ZBTB7C: variants seen among roughly 807,000 people sequenced by gnomAD.
ZBTB7C encodes the protein zinc finger and BTB domain containing 7C, also known as zinc finger and BTB domain-containing protein 7C.
A neutral mutation model predicts 25.7 loss-of-function variants in ZBTB7C; 8 were observed. That is an observed-to-expected ratio of 0.31 (90% confidence interval 0.18 to 0.56). ZBTB7C has a LOEUF of 0.56. ZBTB7C is among the 20% of genes least tolerant of loss of function. The probability of loss-of-function intolerance (pLI) is 0.91; values close to 1 mark genes in which losing one functional copy is unlikely to be tolerated. For missense variants in ZBTB7C, 824 were observed against 855.2 expected (o/e 0.96, Z 0.46); for synonymous variants, 394 against 369.0 (o/e 1.07, Z -0.78).
chr18:48,201,513 G>C (rs1233163915), intron 2 of ZBTB7C, among the ~76,000 whole-genome samples: 1 of 151,998 alleles, frequency 6.6e-6, no homozygotes, highest in African/African-American at 2.4e-5. Flanking sequence ...GGAGCCCAGT[G>C]ACTCATGGCA....
At chr18:48,346,925 C>T (rs2046744826) in intron 1 of ZBTB7C, among the ~76,000 whole-genome samples, 1 of 151,898 alleles carries the variant, frequency 6.6e-6, no homozygotes, top group Admixed American at 6.6e-5. Context: ...GCTGGGATTA[C>T]AGGCACGCGC....
chr18:48,175,721 G>A (rs1263056753), intron 3 of ZBTB7C, among the ~76,000 whole-genome samples: 1 of 152,148 alleles, frequency 6.6e-6, no homozygotes, highest in African/African-American at 2.4e-5. Context: ...TGCAAGATAA[G>A]CCTGGAAATC....
rs1307811970 is a variant in ZBTB7C at position 48,408,777 on chromosome 18, C to G, written c.-304+449G>C. 4 of 151,870 alleles carry G rather than the reference C, an allele frequency of 2.6e-5. 1 individual carries two copies. Among genetic ancestry groups the G allele is most frequent in the South Asian group, 4.2e-4 (2 of 4,816 alleles). The allele number at this position is 151,870 out of a possible 1,614,324, so 9.4% of individuals were successfully genotyped here. A position where few individuals can be genotyped will look rare whatever the true frequency, so the allele number is the denominator to read the frequency against. On this transcript the variant is annotated intron_variant, in intron 1 of 4. Transcript: ENST00000590800. ...CCGACGGGCCCGCCCCGCTCGGGCC[C>G]GCAGGCGCCGCCGAGCCCCGGGCCG... is the stretch of plus-strand genomic sequence containing the variant.
chr18:48,285,338 A>G (rs1036011219), intron 2 of ZBTB7C, among the ~76,000 whole-genome samples: 2 of 152,188 alleles, frequency 1.3e-5, no homozygotes, highest in African/African-American at 4.8e-5. Context: ...ATAAAGATTC[A>G]TGATTATTAT....
intron 4 of ZBTB7C, among the ~76,000 whole-genome samples, chr18:48,034,000 C>T (rs2035866143): frequency 6.6e-6 from 1 of 152,176 alleles, no homozygotes; most frequent in Non-Finnish European, 1.5e-5. Context: ...AAATCTCCTT[C>T]TGGAGTCTGT....
chr18:48,093,447 T>C (rs574717242), intron 3 of ZBTB7C, among the ~76,000 whole-genome samples: 2 of 152,266 alleles, frequency 1.3e-5, no homozygotes, highest in Non-Finnish European at 2.9e-5. Flanking sequence ...AAAAAGTTTA[T>C]ATGAATGACT....
In ZBTB7C at chr18:48,195,324, G is replaced by T. The variant is rs756502338; in HGVS notation, c.-78-9329C>A. Among the ~76,000 whole-genome samples, 27 of 152,150 alleles carry T rather than the reference G, an allele frequency of 1.8e-4. 1 individual carries two copies. Among genetic ancestry groups the T allele is most frequent in the Admixed American group, 3.3e-4 (5 of 15,270 alleles). Reference sequence around the variant, plus strand: ...GCAGCTCCCATAATCCCCACGTGTTGTGGGAGGGATGTGGTGGGAGGTAAT... The same window carrying T: ...GCAGCTCCCATAATCCCCACGTGTTTTGGGAGGGATGTGGTGGGAGGTAAT... On this transcript the variant is annotated intron_variant, in intron 2 of 4. Coordinates refer to ENST00000590800, the MANE Select transcript of ZBTB7C (RefSeq NM_001318841.2).
rs2046819292 is a variant in ZBTB7C, at chr18:48,349,638, A to G, written c.-303-11240T>C. Among the ~76,000 whole-genome samples, 4 of 152,206 alleles carry G rather than the reference A, an allele frequency of 2.6e-5. No individual in the cohort carries two copies. In the South Asian group the frequency reaches 8.3e-4, roughly 32 times the overall value. ...GAGGAGGAAAGTTTAAAGTAGAATC[A>G]AGCTTTTCCAGAGGTGGTAGATCCT... On this transcript the variant is annotated intron_variant, in intron 1 of 4. Coordinates refer to ENST00000590800, the MANE Select transcript of ZBTB7C (RefSeq NM_001318841.2).
Position 48,130,997 on chromosome 18 carries a change from G to T in ZBTB7C, c.-17+54937C>A, listed in dbSNP as rs575141924. ...CAGCTCACTGCAACTCCCACCTCCT[G>T]GGTTCAAGCGATTCTCCTGCCTCCG... On this transcript the variant is annotated intron_variant, in intron 3 of 4. Transcript: ENST00000590800. 9.2e-5 allele frequency among the ~76,000 whole-genome samples: 14 copies of T among 152,308 alleles called. No homozygotes were observed. The South Asian group carries it at 2.7e-3, about 29-fold the overall frequency.
chr18:48,244,586 A>C (rs933977358), intron 2 of ZBTB7C, among the ~76,000 whole-genome samples: 1 of 152,208 alleles, frequency 6.6e-6, no homozygotes, highest in Non-Finnish European at 1.5e-5. Context: ...AATTTAAATA[A>C]ATCAGCAAGA....
intron 3 of ZBTB7C, among the ~76,000 whole-genome samples, chr18:48,074,763 A>G (rs1006793714): frequency 4.6e-5 from 7 of 152,184 alleles, no homozygotes; most frequent in Non-Finnish European, 7.3e-5. Context: ...AGCAGAGAAA[A>G]CAGAATCAAA....
At chr18:48,084,602 G>A (rs112595429) in intron 3 of ZBTB7C, among the ~76,000 whole-genome samples, 32 of 152,190 alleles carry the variant, frequency 2.1e-4, no homozygotes, top group African/African-American at 7.2e-4. Context: ...GGCCCCACTC[G>A]CCCTATCACC....
chr18:48,295,470 C>T (rs1346311892), intron 2 of ZBTB7C, among the ~76,000 whole-genome samples: 6 of 152,240 alleles, frequency 3.9e-5, no homozygotes, highest in Admixed American at 3.3e-4. Context: ...GATCCAGTGG[C>T]GTTGGGCGCT....
intron 3 of ZBTB7C, chr18:48,185,593 G>A (rs942956153): frequency 1.1e-5 from 2 of 177,356 alleles, no homozygotes; most frequent in South Asian, 1.1e-4. Context: ...ACTTAGAACT[G>A]TACAAACTGT....
intron 1 of ZBTB7C, among the ~76,000 whole-genome samples, chr18:48,355,859 A>G (rs760039611): frequency 7.9e-5 from 12 of 152,158 alleles, no homozygotes; most frequent in East Asian, 3.8e-4. Context: ...TAGGTCCCCA[A>G]TCAGAGCACA....
At chr18:48,360,666 G>T (rs537952730) in intron 1 of ZBTB7C, among the ~76,000 whole-genome samples, 1 of 152,266 alleles carries the variant, frequency 6.6e-6, no homozygotes, top group African/African-American at 2.4e-5. Context: ...ACTGAGGGGA[G>T]CCTGCAGGTT....
At chr18:48,377,163 A>G (rs1334143323) in intron 1 of ZBTB7C, among the ~76,000 whole-genome samples, 1 of 152,166 alleles carries the variant, frequency 6.6e-6, no homozygotes, top group African/African-American at 2.4e-5. Flanking sequence ...CCACCCCCCA[A>G]CAGAGCATCA....
chr18:48,376,400 A>C (rs2047520003), intron 1 of ZBTB7C, among the ~76,000 whole-genome samples: 1 of 152,166 alleles, frequency 6.6e-6, no homozygotes, highest in African/African-American at 2.4e-5. Flanking sequence ...TCGTTTGAAA[A>C]ACCAGCTTCC....
chr18:48,058,443 C>G (rs4640257), intron 3 of ZBTB7C, among the ~76,000 whole-genome samples: 35,485 of 152,174 alleles, frequency 0.23, 4,761 homozygotes, highest in Admixed American at 0.32. Flanking sequence ...TAAAGCTGGT[C>G]TCTAAACTGC....
Sources: allele counts gnomAD v4.1 joint callset (sites outside exome capture counted in the v4.1 genomes callset), GRCh38; gene constraint gnomAD v4.1.1; transcripts MANE v1.5; gene names NCBI Gene and HGNC (gene_info 2026-07-23, HGNC 2026-07-21).